Variants in ANKRA2 observed in about 807,000 individuals in gnomAD.
ANKRA2 encodes the protein ankyrin repeat family A protein 2.
A neutral mutation model predicts 37.8 loss-of-function variants in ANKRA2; 33 were observed. That is an observed-to-expected ratio of 0.87 (90% confidence interval 0.66 to 1.17). The LOEUF (loss-of-function observed/expected upper bound fraction) is 1.17, where lower values mean the gene tolerates loss of function less well. ANKRA2 is among the 50% of genes most tolerant of loss of function. The probability of loss-of-function intolerance (pLI) is 0.00; values close to 1 mark genes in which losing one functional copy is unlikely to be tolerated. For missense variants in ANKRA2, 326 were observed against 373.7 expected (o/e 0.87, Z 1.05); for synonymous variants, 126 against 132.3 (o/e 0.95, Z 0.33).
chr5:73,559,793 C>G (rs1305723021), intron 3 of ANKRA2, among the ~76,000 whole-genome samples: 1 of 152,174 alleles, frequency 6.6e-6, no homozygotes, highest in African/African-American at 2.4e-5. Context: ...TGGTCTCACT[C>G]TGTTGCTCAG....
chr5:73,564,152 G>T (rs1254652416), intron 1 of ANKRA2, among the ~76,000 whole-genome samples: 1 of 152,000 alleles, frequency 6.6e-6, no homozygotes, highest in African/African-American at 2.4e-5. Flanking sequence ...TAATACATTT[G>T]GGCAAAAAGA....
rs1747281846 is a variant in ANKRA2, at chr5:73,552,549, ATC to A, written c.*246_*247del. On this transcript the variant is annotated 3_prime_UTR_variant, in exon 9 of 9. Coordinates refer to ENST00000296785, the MANE Select transcript of ANKRA2 (RefSeq NM_023039.5). ...CTTGATACAAAGACTGATGATAACT[ATC>A]TGTACCATAAAAATTTACATGCCAC... The A allele has an allele frequency of 2.7e-6, 1 of 376,724 alleles. No homozygotes were observed. The highest frequency in any genetic ancestry group is 4.7e-6 in the Non-Finnish European group (1 of 212,848). The allele number at this position is 376,724 out of a possible 1,614,324, so 23.3% of individuals were successfully genotyped here.
Position 73,552,477 on chromosome 5 carries a change from G to T in ANKRA2, c.*320C>A, listed in dbSNP as rs1360370055. The T allele has an allele frequency of 9.7e-6, 2 of 206,680 alleles. No individual in the cohort carries two copies. Among genetic ancestry groups the T allele is most frequent in the Non-Finnish European group, 1.9e-5 (2 of 104,964 alleles). The allele number at this position is 206,680 out of a possible 1,614,324, so 12.8% of individuals were successfully genotyped here. A position where few individuals can be genotyped will look rare whatever the true frequency, so the allele number is the denominator to read the frequency against. ...AAAGTGAATGACTTAATACACGAGT[G>T]AAGATGACTAGGGTAGAATAATTTC... On this transcript the variant is annotated 3_prime_UTR_variant, in exon 9 of 9. Transcript: ENST00000296785.
intron 4 of ANKRA2, 22 bp downstream of exon 4, chr5:73,557,553 A>G: frequency 2.6e-6 from 4 of 1,519,356 alleles, no homozygotes; most frequent in Non-Finnish European, 3.6e-6. Context: ...ATTTGTTTAA[A>G]TATTTTTAAA....
At chr5:73,557,757 GT>G in intron 3 of ANKRA2, 117 bp from the exon 4 acceptor site, 1 of 653,002 alleles carries the variant, frequency 1.5e-6, no homozygotes, top group Non-Finnish European at 2.6e-6. Context: ...CAATTTTATT[GT>G]TTTAAAAATA....
At chr5:73,559,632 A>G (rs1353743448) in intron 3 of ANKRA2, among the ~76,000 whole-genome samples, 3 of 146,778 alleles carry the variant, frequency 2.0e-5, no homozygotes, top group African/African-American at 7.3e-5. Flanking sequence ...GCTCAGAATT[A>G]TTATTTTTAA....
At chr5:73,563,124 T>C (rs1180818870) in intron 1 of ANKRA2, 139 bp from the exon 2 acceptor site, 2 of 320,272 alleles carry the variant, frequency 6.2e-6, no homozygotes, top group Non-Finnish European at 1.1e-5. Flanking sequence ...TGTTCAGAGG[T>C]AGAGAAACCT....
At chr5:73,557,166 GAAT>G (rs1747419215) in intron 4 of ANKRA2, among the ~76,000 whole-genome samples, 1 of 151,104 alleles carries the variant, frequency 6.6e-6, no homozygotes. Flanking sequence ...ACTATGAAAA[GAAT>G]AAAATAGGTC....
chr5:73,555,410 G>A, intron 5 of ANKRA2, 78 bp downstream of exon 5: 1 of 1,570,436 alleles, frequency 6.4e-7, no homozygotes, highest in Non-Finnish European at 8.6e-7. Context: ...ATATCTAGCT[G>A]GCTGGATATA....
At position 73,554,944 on chromosome 5, in the gene ANKRA2, G is replaced by C. The variant is rs755586910; in HGVS notation, c.655C>G (p.Leu219Val). 1 of 1,613,780 alleles carries C rather than the reference G, an allele frequency of 6.2e-7. No homozygotes were observed. The highest frequency in any genetic ancestry group is 8.5e-7 in the Non-Finnish European group (1 of 1,179,762). ...TAGCCTTTACTACAGGCCAACGACA[G>C]TGCACTTTCTCGACCTTTTCCTAAA... is the stretch of plus-strand genomic sequence containing the variant. ...QLLGKGRESA[L>V]SLACSKGYTD... Residue 219 changes from leucine to valine, a missense_variant, in exon 6 of 9, where the codon CTG (leucine) becomes GTG (valine). Physicochemically the swap from Leu to Val is conservative, Grantham distance 32. Transcript: ENST00000296785.
chr5:73,558,825 G>A (rs1422079505), intron 3 of ANKRA2, among the ~76,000 whole-genome samples: 6 of 152,198 alleles, frequency 3.9e-5, no homozygotes, highest in African/African-American at 1.4e-4. Flanking sequence ...GAGCCACTGC[G>A]CCTGGCCTGA....
intron 1 of ANKRA2, among the ~76,000 whole-genome samples, chr5:73,564,111 GA>G (rs34080535): frequency 0.028 from 4,150 of 146,666 alleles, 186 homozygotes; most frequent in African/African-American, 0.098. Context: ...GTATAGTAAG[GA>G]AAAAAAAAAA....
chr5:73,554,244 A>T, intron 7 of ANKRA2, 78 bp downstream of exon 7: 1 of 1,162,518 alleles, frequency 8.6e-7, no homozygotes, highest in South Asian at 1.3e-5. Flanking sequence ...GATTCTCCTG[A>T]GTAGTACCAG....
At chr5:73,560,043 T>A (rs890225960) in intron 3 of ANKRA2, among the ~76,000 whole-genome samples, 1 of 152,146 alleles carries the variant, frequency 6.6e-6, no homozygotes, top group Admixed American at 6.5e-5. Flanking sequence ...GGATTACAGG[T>A]GTGACACGCC....
At chr5:73,561,741 T>C (rs945297469) in intron 2 of ANKRA2, among the ~76,000 whole-genome samples, 4 of 151,820 alleles carry the variant, frequency 2.6e-5, no homozygotes, top group Admixed American at 6.6e-5. Context: ...CACTCCAGCC[T>C]GGGTGACAGA....
At chr5:73,558,251 T>A (rs1283127611) in intron 3 of ANKRA2, among the ~76,000 whole-genome samples, 1 of 152,128 alleles carries the variant, frequency 6.6e-6, no homozygotes, top group Non-Finnish European at 1.5e-5. Flanking sequence ...AGTGCTGGGA[T>A]TACAGGCATG....
At chr5:73,561,740 C>T (rs913855859) in intron 2 of ANKRA2, among the ~76,000 whole-genome samples, 16 of 151,816 alleles carry the variant, frequency 1.1e-4, no homozygotes, top group African/African-American at 3.6e-4. Flanking sequence ...GCACTCCAGC[C>T]TGGGTGACAG....
chr5:73,562,475 T>A (rs1747583079), intron 2 of ANKRA2, 118 bp downstream of exon 2: 1 of 948,966 alleles, frequency 1.1e-6, no homozygotes, highest in Admixed American at 3.0e-5. Flanking sequence ...TTCCAGAAAA[T>A]CATATTAAAA....
chr5:73,557,748 A>C, intron 3 of ANKRA2, 108 bp from the exon 4 acceptor site: 1 of 687,774 alleles, frequency 1.5e-6, no homozygotes, highest in African/African-American at 1.9e-5. Flanking sequence ...CAAAAACTAC[A>C]ATTTTATTGT....
Sources: gnomAD v4.1 joint callset for allele counts (sites outside exome capture counted in the v4.1 genomes callset) on GRCh38, gnomAD v4.1.1 for gene constraint, MANE v1.5 for transcripts, NCBI Gene and HGNC (gene_info 2026-07-23, HGNC 2026-07-21) for gene names.